The following TMEM135 variants were observed in gnomAD, a reference collection of about 807,000 sequenced individuals.
TMEM135 encodes peroxisomal membrane protein 52.
TMEM135 carries 30 observed loss-of-function variants against 60.3 expected under a neutral mutation model. The ratio of observed to expected loss-of-function variants is 0.50; its 90% CI spans 0.37 to 0.68. The LOEUF (loss-of-function observed/expected upper bound fraction) is 0.68, where lower values mean the gene tolerates loss of function less well. Ranked by LOEUF, TMEM135 falls within the 30% of genes least tolerant of loss-of-function variation. The probability of loss-of-function intolerance (pLI) is 0.00; values close to 1 mark genes in which losing one functional copy is unlikely to be tolerated. For synonymous variants in TMEM135, 190 were observed against 186.7 expected (o/e 1.02, Z -0.14); for missense variants, 468 against 548.8 (o/e 0.85, Z 1.47).
intron 5 of TMEM135, among the ~76,000 whole-genome samples, chr11:87,175,942 A>G (rs909778796): frequency 3.3e-5 from 5 of 152,234 alleles, no homozygotes; most frequent in African/African-American, 7.2e-5. Context: ...CAAGTAACTT[A>G]AACACTTTGA....
At chr11:87,298,365 C>G (rs897171916) in intron 7 of TMEM135, among the ~76,000 whole-genome samples, 1 of 152,160 alleles carries the variant, frequency 6.6e-6, no homozygotes, top group African/African-American at 2.4e-5. Context: ...ATCATAATTG[C>G]TGTATCATGA....
intron 6 of TMEM135, among the ~76,000 whole-genome samples, chr11:87,240,176 G>A (rs994173662): frequency 6.6e-6 from 1 of 152,058 alleles, no homozygotes; most frequent in Non-Finnish European, 1.5e-5. Flanking sequence ...ACCCATACAT[G>A]CTATGGATTC....
At chr11:87,303,010 A>G (rs898347028) in intron 8 of TMEM135, among the ~76,000 whole-genome samples, 1 of 152,216 alleles carries the variant, frequency 6.6e-6, no homozygotes, top group African/African-American at 2.4e-5. Flanking sequence ...TCAACCAATA[A>G]AATCTTGGTA....
chr11:87,227,984 G>A (rs1044708023), intron 5 of TMEM135, among the ~76,000 whole-genome samples: 1 of 151,988 alleles, frequency 6.6e-6, no homozygotes, highest in African/African-American at 2.4e-5. Flanking sequence ...CTGCCCTCTG[G>A]GACTTTGTGT....
At chr11:87,226,034 A>T (rs1565492956) in intron 5 of TMEM135, among the ~76,000 whole-genome samples, 1 of 151,652 alleles carries the variant, frequency 6.6e-6, no homozygotes, top group Non-Finnish European at 1.5e-5. Flanking sequence ...TTAGTTCCTC[A>T]CTCTTCCTGT....
At chr11:87,078,055 T>A (rs1292883361) in intron 3 of TMEM135, among the ~76,000 whole-genome samples, 1 of 152,220 alleles carries the variant, frequency 6.6e-6, no homozygotes, top group Admixed American at 6.5e-5. Flanking sequence ...GTGGACACAT[T>A]TTTGTGTGGA....
At chr11:87,186,756 TTG>T in intron 5 of TMEM135, among the ~76,000 whole-genome samples, 1 of 152,312 alleles carries the variant, frequency 6.6e-6, no homozygotes, top group Non-Finnish European at 1.5e-5. Context: ...ATGATTTTGT[TTG>T]TGAAACATTT....
intron 5 of TMEM135, among the ~76,000 whole-genome samples, chr11:87,234,649 C>A (rs1344081241): frequency 6.6e-6 from 1 of 151,874 alleles, no homozygotes; most frequent in Non-Finnish European, 1.5e-5. Context: ...CTAAATAATT[C>A]GAAGTATGAT....
chr11:87,146,715 G>A (rs1037052044), intron 4 of TMEM135, among the ~76,000 whole-genome samples: 1 of 152,044 alleles, frequency 6.6e-6, no homozygotes, highest in African/African-American at 2.4e-5. Flanking sequence ...AATGTTTTAC[G>A]CCATCTAACT....
chr11:87,115,125 A>G (rs1456523461), intron 4 of TMEM135, among the ~76,000 whole-genome samples: 1 of 152,206 alleles, frequency 6.6e-6, no homozygotes, highest in African/African-American at 2.4e-5. Context: ...TGTATAGTGT[A>G]GATTTAAAAT....
intron 4 of TMEM135, among the ~76,000 whole-genome samples, chr11:87,107,994 G>A (rs1364941360): frequency 6.6e-6 from 1 of 152,152 alleles, no homozygotes; most frequent in Non-Finnish European, 1.5e-5. Context: ...GTTCTGATTT[G>A]CATTTCTCTG....
intron 1 of TMEM135, among the ~76,000 whole-genome samples, chr11:87,042,768 A>C (rs532042503): frequency 1.3e-5 from 2 of 151,408 alleles, no homozygotes; most frequent in East Asian, 3.9e-4. Flanking sequence ...TTCTTGTTCT[A>C]TACATTTGCC....
intron 5 of TMEM135, among the ~76,000 whole-genome samples, chr11:87,162,508 G>A (rs1192384938): frequency 8.6e-5 from 13 of 152,000 alleles, no homozygotes; most frequent in Admixed American, 8.5e-4. Context: ...TGCTGAGAAT[G>A]ATGGTTTCCA....
chr11:87,111,240 A>C (rs1857736940), intron 4 of TMEM135, among the ~76,000 whole-genome samples: 1 of 151,830 alleles, frequency 6.6e-6, no homozygotes, highest in Admixed American at 6.6e-5. Context: ...ATTTAAAGGG[A>C]TTTTTTTGTT....
chr11:87,237,149 T>C (rs1287842262), intron 6 of TMEM135, among the ~76,000 whole-genome samples: 1 of 152,006 alleles, frequency 6.6e-6, no homozygotes, highest in East Asian at 1.9e-4. Context: ...TTTGTTATAA[T>C]GTCAAAGTTG....
At chr11:87,076,374 A>C (rs1856873418) in intron 3 of TMEM135, among the ~76,000 whole-genome samples, 1 of 152,186 alleles carries the variant, frequency 6.6e-6, no homozygotes, top group African/African-American at 2.4e-5. Context: ...TAAATACCAC[A>C]GGCTCTTCAG....
chr11:87,225,116 G>A (rs1408516560), intron 5 of TMEM135, among the ~76,000 whole-genome samples: 1 of 152,026 alleles, frequency 6.6e-6, no homozygotes, highest in Non-Finnish European at 1.5e-5. Context: ...CATGAAAATA[G>A]TATGAAAATT....
At chr11:87,150,254 A>G (rs528740504) in intron 4 of TMEM135, among the ~76,000 whole-genome samples, 29 of 151,350 alleles carry the variant, frequency 1.9e-4, no homozygotes, top group South Asian at 6.3e-4. Context: ...GTGAAATGGT[A>G]TGCTGCAAAG....
chr11:87,266,716 A>G (rs1362050202), intron 6 of TMEM135, among the ~76,000 whole-genome samples: 2 of 152,212 alleles, frequency 1.3e-5, no homozygotes, highest in East Asian at 1.9e-4. Context: ...GTTAGCTTCT[A>G]TGGTTCTCAC....
Sources: allele counts gnomAD v4.1 joint callset (sites outside exome capture counted in the v4.1 genomes callset), GRCh38; gene constraint gnomAD v4.1.1; transcripts MANE v1.5; gene names NCBI Gene and HGNC (gene_info 2026-07-23, HGNC 2026-07-21).